The following KCNIP4 variants were observed in gnomAD, a reference collection of about 807,000 sequenced individuals.
KCNIP4 encodes potassium voltage-gated channel interacting protein 4, also known as Kv channel-interacting protein 4.
Under a neutral mutation model 34.0 loss-of-function variants are expected in KCNIP4, and 12 were observed. The observed-to-expected ratio is 0.35, with a 90% confidence interval of 0.23 to 0.57. The LOEUF (loss-of-function observed/expected upper bound fraction) is 0.57, where lower values mean the gene tolerates loss of function less well. KCNIP4 is among the 20% of genes least tolerant of loss of function. KCNIP4 has a pLI of 0.83. For synonymous variants in KCNIP4, 124 were observed against 102.2 expected, an observed-to-expected ratio of 1.21 and a Z score of -1.29; for missense variants, 238 against 311.7, an observed-to-expected ratio of 0.76 and a Z score of 1.78.
intron 1 of KCNIP4, among the ~76,000 whole-genome samples, chr4:21,424,027 G>T (rs1377672955): frequency 1.3e-5 from 2 of 150,384 alleles, no homozygotes; most frequent in Admixed American, 6.6e-5. Flanking sequence ...CACCATGTTG[G>T]TCAGGCTGGT....
chr4:21,150,830 T>A (rs1752701973), intron 1 of KCNIP4, among the ~76,000 whole-genome samples: 1 of 152,218 alleles, frequency 6.6e-6, no homozygotes, highest in African/African-American at 2.4e-5. Flanking sequence ...ATAAAGGCAA[T>A]CTGCTGACTT....
chr4:21,365,518 TAAATAAAAAATAAAGAAAGAAAA>T (rs775439514), intron 1 of KCNIP4, among the ~76,000 whole-genome samples: 1,612 of 114,570 alleles, frequency 0.014, 32 homozygotes, highest in Non-Finnish European at 0.019. Flanking sequence ...AATAAATAAA[TAAATAAAAAATAAAGAAAGAAAA>T]GAAAAAGAAA....
intron 1 of KCNIP4, among the ~76,000 whole-genome samples, chr4:21,869,767 T>C (rs867274824): frequency 2.9e-5 from 4 of 140,254 alleles, no homozygotes; most frequent in African/African-American, 7.5e-5. Context: ...GATAGATAGA[T>C]AGATAGATAG....
At chr4:21,889,861 G>A (rs748885109) in intron 1 of KCNIP4, among the ~76,000 whole-genome samples, 11 of 152,132 alleles carry the variant, frequency 7.2e-5, no homozygotes, top group South Asian at 4.1e-4. Flanking sequence ...GCCATAGACC[G>A]TGTTTCCACG....
chr4:21,787,941 A>G (rs1402165901), intron 1 of KCNIP4, among the ~76,000 whole-genome samples: 1 of 151,556 alleles, frequency 6.6e-6, no homozygotes, highest in Non-Finnish European at 1.5e-5. Context: ...ATTCCTTCAG[A>G]TTATTTGTCT....
intron 1 of KCNIP4, among the ~76,000 whole-genome samples, chr4:21,120,989 T>A (rs947907837): frequency 1.3e-5 from 2 of 152,242 alleles, no homozygotes; most frequent in Non-Finnish European, 2.9e-5. Context: ...TGAAGAATTC[T>A]GTAGAAAAGG....
intron 1 of KCNIP4, chr4:21,613,857 G>A (rs1399095342): frequency 6.6e-6 from 1 of 151,888 alleles, no homozygotes; most frequent in African/African-American, 2.4e-5. Context: ...ATTTATTCTG[G>A]TGGCCAGGCA....
chr4:21,249,725 C>A (rs777553025), intron 1 of KCNIP4, among the ~76,000 whole-genome samples: 1 of 151,996 alleles, frequency 6.6e-6, no homozygotes, highest in Non-Finnish European at 1.5e-5. Flanking sequence ...TTAGAATATG[C>A]ACCAGTATTT....
chr4:20,998,327 C>A (rs1737758282), intron 1 of KCNIP4, among the ~76,000 whole-genome samples: 1 of 152,162 alleles, frequency 6.6e-6, no homozygotes, highest in Non-Finnish European at 1.5e-5. Flanking sequence ...TTCGTCCCAG[C>A]ACCAATTAGC....
intron 1 of KCNIP4, among the ~76,000 whole-genome samples, chr4:21,922,149 A>G (rs920442459): frequency 6.6e-6 from 1 of 152,206 alleles, no homozygotes; most frequent in African/African-American, 2.4e-5. Context: ...AGTCACATAG[A>G]TGAATTTTAC....
At chr4:20,913,919 G>C (rs187073933) in intron 1 of KCNIP4, among the ~76,000 whole-genome samples, 85 of 152,244 alleles carry the variant, frequency 5.6e-4, no homozygotes, top group African/African-American at 1.9e-3. Context: ...ACTTTGGGAG[G>C]CCAAGGTGGG....
intron 1 of KCNIP4, among the ~76,000 whole-genome samples, chr4:21,799,889 T>C (rs1398744724): frequency 6.6e-6 from 1 of 152,228 alleles, no homozygotes; most frequent in Non-Finnish European, 1.5e-5. Context: ...CATTTCCTTA[T>C]CATCTGTAGT....
intron 1 of KCNIP4, among the ~76,000 whole-genome samples, chr4:21,292,871 G>A (rs1209071672): frequency 6.6e-6 from 1 of 152,110 alleles, no homozygotes. Context: ...GACCTCAGTG[G>A]TTTTTTCCCT....
chr4:21,009,723 A>G (rs923019378), intron 1 of KCNIP4, among the ~76,000 whole-genome samples: 1 of 152,184 alleles, frequency 6.6e-6, no homozygotes, highest in Admixed American at 6.5e-5. Flanking sequence ...ATTTTAGTAC[A>G]TGTCTTGACA....
At chr4:21,874,675 C>G (rs987237509) in intron 1 of KCNIP4, among the ~76,000 whole-genome samples, 2 of 152,190 alleles carry the variant, frequency 1.3e-5, no homozygotes, top group African/African-American at 4.8e-5. Flanking sequence ...TATTTTGCTT[C>G]TCTTTTTTAC....
intron 1 of KCNIP4, among the ~76,000 whole-genome samples, chr4:21,940,110 T>C (rs1190844789): frequency 6.6e-6 from 1 of 152,306 alleles, no homozygotes; most frequent in East Asian, 1.9e-4. Context: ...AAAGGTACAT[T>C]TCTTTACAGA....
intron 1 of KCNIP4, among the ~76,000 whole-genome samples, chr4:21,258,810 G>A (rs1761255676): frequency 6.6e-6 from 1 of 152,046 alleles, no homozygotes; most frequent in Admixed American, 6.6e-5. Flanking sequence ...TGATAATAAT[G>A]AAACATTCCT....
chr4:21,731,191 A>G (rs996811756), intron 1 of KCNIP4, among the ~76,000 whole-genome samples: 2 of 151,948 alleles, frequency 1.3e-5, no homozygotes, highest in Non-Finnish European at 2.9e-5. Context: ...GAGGTCCATT[A>G]TGGGTGAGAG....
intron 1 of KCNIP4, among the ~76,000 whole-genome samples, chr4:21,754,290 CTTTA>C (rs925268180): frequency 7.2e-5 from 11 of 152,104 alleles, no homozygotes; most frequent in African/African-American, 2.4e-4. Flanking sequence ...CTCTACCTTG[CTTTA>C]TTTGTCTATA....
Sources: allele counts gnomAD v4.1 joint callset (sites outside exome capture counted in the v4.1 genomes callset), GRCh38; gene constraint gnomAD v4.1.1; transcripts MANE v1.5; gene names NCBI Gene and HGNC (gene_info 2026-07-23, HGNC 2026-07-21).